Variants in DGKB observed in about 807,000 individuals in gnomAD.
DGKB encodes diacylglycerol kinase beta.
DGKB carries 67 observed loss-of-function variants against 114.3 expected under a neutral mutation model. That is an observed-to-expected ratio of 0.59 (90% confidence interval 0.48 to 0.72). DGKB has a LOEUF of 0.72. DGKB is among the 30% of genes least tolerant of loss of function. The pLI is 0.00. For missense variants in DGKB, 907 were observed against 975.2 expected (o/e 0.93, Z 0.93); for synonymous variants, 398 against 323.1 (o/e 1.23, Z -2.49).
intron 1 of DGKB, 55 bp from the exon 2 acceptor site, chr7:14,841,505 A>G (rs928237451): frequency 5.4e-6 from 2 of 369,124 alleles, no homozygotes; most frequent in African/African-American, 2.1e-5. Flanking sequence ...TGCACAAAGG[A>G]AAAAAATGTC....
At chr7:14,514,463 C>T (rs950012869) in intron 20 of DGKB, among the ~76,000 whole-genome samples, 2 of 152,068 alleles carry the variant, frequency 1.3e-5, no homozygotes, top group African/African-American at 2.4e-5. Context: ...TAGATATTTT[C>T]AGCTTTTACT....
chr7:14,209,255 C>T, intron 23 of DGKB: 1 of 283,224 alleles, frequency 3.5e-6, no homozygotes, highest in South Asian at 3.0e-5. Flanking sequence ...CATTTATTTG[C>T]TTCAAATGAA....
At chr7:14,324,855 G>C (rs1286089706) in intron 23 of DGKB, among the ~76,000 whole-genome samples, 1 of 151,904 alleles carries the variant, frequency 6.6e-6, no homozygotes, top group African/African-American at 2.4e-5. Flanking sequence ...CTTCTGCCTA[G>C]AAAGAGTTGC....
In DGKB at chr7:14,343,199, A is replaced by ACAC. The variant is rs1554366272; in HGVS notation, c.1926+2101_1926+2102insGTG. On this transcript the variant is annotated intron_variant, in intron 22 of 25. Transcript: ENST00000402815. ...CACACACACACACACACACACACAC[A>ACAC]ACAAGATATGCAAAAATACAAGGGG... Among the ~76,000 whole-genome samples, 26 of 146,474 alleles carry ACAC rather than the reference A, an allele frequency of 1.8e-4. 1 individual carries two copies. The highest frequency in any genetic ancestry group is 8.8e-4 in the South Asian group (4 of 4,526).
intron 17 of DGKB, among the ~76,000 whole-genome samples, chr7:14,605,799 A>G (rs754752112): frequency 2.0e-5 from 3 of 152,170 alleles, no homozygotes; most frequent in Non-Finnish European, 4.4e-5. Context: ...ATATTTGTAC[A>G]AATAATACGG....
chr7:14,792,581 C>G (rs1353631435), intron 2 of DGKB, among the ~76,000 whole-genome samples: 2 of 152,036 alleles, frequency 1.3e-5, no homozygotes, highest in Non-Finnish European at 2.9e-5. Flanking sequence ...TTCATACCTA[C>G]AGTAAAAATA....
chr7:14,862,973 A>C (rs1214949553), intron 1 of DGKB, among the ~76,000 whole-genome samples: 2 of 151,896 alleles, frequency 1.3e-5, no homozygotes, highest in Non-Finnish European at 2.9e-5. Context: ...TTTCGACAGA[A>C]CTCATTTTAT....
At chr7:14,736,272 G>T (rs1831708538) in intron 4 of DGKB, 78 bp from the exon 5 acceptor site, 1 of 952,936 alleles carries the variant, frequency 1.0e-6, no homozygotes, top group Admixed American at 3.1e-5. Context: ...AAAATCATTA[G>T]AAGTAGAAAT....
At chr7:14,592,104 A>T (rs1801803638) in intron 17 of DGKB, among the ~76,000 whole-genome samples, 1 of 151,762 alleles carries the variant, frequency 6.6e-6, no homozygotes, top group Non-Finnish European at 1.5e-5. Context: ...ATATGGCTCT[A>T]AGTAGTATAT....
chr7:14,745,761 C>G (rs1306532004), intron 4 of DGKB, among the ~76,000 whole-genome samples: 3 of 150,172 alleles, frequency 2.0e-5, no homozygotes, highest in Non-Finnish European at 4.4e-5. Context: ...GAGCACTTTC[C>G]TTTCACTTAA....
intron 13 of DGKB, among the ~76,000 whole-genome samples, chr7:14,641,363 G>C (rs959692759): frequency 2.6e-5 from 4 of 151,780 alleles, no homozygotes; most frequent in Non-Finnish European, 4.4e-5. Context: ...ACAATACAAA[G>C]ATTTGTTGTT....
chr7:14,915,825 G>A (rs1256481437), intron 1 of DGKB, among the ~76,000 whole-genome samples: 1 of 152,074 alleles, frequency 6.6e-6, no homozygotes, highest in East Asian at 1.9e-4. Context: ...CTGTCTTGCA[G>A]GAAATGTTAA....
At chr7:14,944,700 C>T (rs924666071) in intron 1 of DGKB, among the ~76,000 whole-genome samples, 2 of 151,218 alleles carry the variant, frequency 1.3e-5, no homozygotes, top group Non-Finnish European at 1.5e-5. Flanking sequence ...GAAGTTGCTA[C>T]TCATAGGGAC....
At chr7:14,397,013 T>A (rs1822315296) in intron 21 of DGKB, among the ~76,000 whole-genome samples, 1 of 152,008 alleles carries the variant, frequency 6.6e-6, no homozygotes, top group African/African-American at 2.4e-5. Flanking sequence ...ATTAAATTAT[T>A]CCGGTCAATA....
chr7:14,770,554 T>C (rs1391489739), intron 2 of DGKB, among the ~76,000 whole-genome samples: 1 of 152,146 alleles, frequency 6.6e-6, no homozygotes, highest in African/African-American at 2.4e-5. Flanking sequence ...AGAAGTTTTC[T>C]GTAACCATTC....
At chr7:14,283,019 T>C (rs1800235794) in intron 23 of DGKB, among the ~76,000 whole-genome samples, 1 of 151,774 alleles carries the variant, frequency 6.6e-6, no homozygotes, top group Non-Finnish European at 1.5e-5. Flanking sequence ...CCAGGGCAAT[T>C]AGTCAGGAGA....
At chr7:14,302,088 C>T (rs921089663) in intron 23 of DGKB, among the ~76,000 whole-genome samples, 1 of 152,066 alleles carries the variant, frequency 6.6e-6, no homozygotes, top group Non-Finnish European at 1.5e-5. Flanking sequence ...GCAAATTCCA[C>T]AAACATAGCA....
At chr7:14,750,865 G>A (rs1373139165) in intron 4 of DGKB, among the ~76,000 whole-genome samples, 3 of 135,380 alleles carry the variant, frequency 2.2e-5, no homozygotes, top group African/African-American at 5.8e-5. Flanking sequence ...GTGCAATGGC[G>A]CGATCTCGGT....
chr7:14,257,773 C>A (rs1584768401), intron 23 of DGKB, among the ~76,000 whole-genome samples: 1 of 152,154 alleles, frequency 6.6e-6, no homozygotes, highest in Non-Finnish European at 1.5e-5. Context: ...GTTGCCCAGG[C>A]TGGAGTGCAA....
Sources: gnomAD v4.1 joint callset for allele counts (sites outside exome capture counted in the v4.1 genomes callset) on GRCh38, gnomAD v4.1.1 for gene constraint, MANE v1.5 for transcripts, NCBI Gene and HGNC (gene_info 2026-07-23, HGNC 2026-07-21) for gene names.